Variants in SEPTIN9 observed in about 807,000 individuals in gnomAD.
The protein encoded by SEPTIN9 is septin-9.
SEPTIN9 carries 13 observed loss-of-function variants against 56.6 expected under a neutral mutation model. That is an observed-to-expected ratio of 0.23 (90% confidence interval 0.15 to 0.37). SEPTIN9 has a LOEUF of 0.37. Ranked by LOEUF, SEPTIN9 falls within the 10% of genes least tolerant of loss-of-function variation. The pLI, the probability that SEPTIN9 is intolerant of heterozygous loss-of-function variation, is 1.00. For missense variants in SEPTIN9, 650 were observed against 823.1 expected (o/e 0.79, Z 2.57); for synonymous variants, 332 against 334.1 (o/e 0.99, Z 0.07).
At chr17:77,354,328 G>A (rs567226315) in intron 2 of SEPTIN9, among the ~76,000 whole-genome samples, 99 of 152,298 alleles carry the variant, frequency 6.5e-4, no homozygotes, top group African/African-American at 2.3e-3. Context: ...GCACATGAAC[G>A]CTCACTCATG....
rs374945609 is a variant in SEPTIN9 at position 77,451,571 on chromosome 17, C to A, written c.722-30573C>A. The A allele has an allele frequency of 6.1e-6, 6 of 984,274 alleles. No individual in the cohort carries two copies. Among genetic ancestry groups the A allele is most frequent in the East Asian group, 1.1e-4 (1 of 8,786 alleles). 61.0% of individuals were successfully genotyped at this position (984,274 alleles called of 1,614,324 possible). A position where few individuals can be genotyped will look rare whatever the true frequency, so the allele number is the denominator to read the frequency against. On this transcript the variant is annotated intron_variant, in intron 3 of 11. Transcript: ENST00000427177. This position sits in a 1 kb window ranked among gnomAD's most constrained non-coding sequence, Gnocchi z 4.2. ...GTTCTTCCCAGCCTTGCACCACTGG[C>A]TCGGGGGCTCTCAGGTGGCGCGGCC...
intron 1 of SEPTIN9, 93 bp downstream of exon 1, chr17:77,281,647 C>T: frequency 8.0e-7 from 1 of 1,250,772 alleles, no homozygotes; most frequent in Non-Finnish European, 1.1e-6. Context: ...GAGGCGCCCC[C>T]GGAGCTGAGC....
At chr17:77,372,910 G>A (rs1207950871) in intron 2 of SEPTIN9, among the ~76,000 whole-genome samples, 2 of 152,246 alleles carry the variant, frequency 1.3e-5, no homozygotes, top group African/African-American at 4.8e-5. Flanking sequence ...AGCGCGCGGC[G>A]GCGGTGACAG....
In SEPTIN9 at chr17:77,498,503, C is replaced by T; in HGVS notation, c.1626-20C>T. ...CCGCTGCGCCCACCTCACTGACCCG[C>T]CCGCCCCCCACCCCCACAGGACGCA... On this transcript the variant is annotated intron_variant, in intron 11 of 11. Transcript: ENST00000427177. The T allele has an allele frequency of 2.2e-6, 1 of 462,640 alleles. No homozygotes were observed. The highest frequency in any genetic ancestry group is 2.2e-5 in the African/African-American group (1 of 46,314). 28.7% of individuals were successfully genotyped at this position (462,640 alleles called of 1,614,324 possible).
chr17:77,487,277 G>T lies in SEPTIN9; in HGVS notation c.914-147G>T. 1.2e-6 allele frequency: 1 copy of T among 864,186 alleles called. No homozygotes were observed. Among genetic ancestry groups the T allele is most frequent in the East Asian group, 2.7e-5 (1 of 37,482 alleles). The allele number at this position is 864,186 out of a possible 1,614,324, so 53.5% of individuals were successfully genotyped here. ...CTCGAGGGTGAAGTCCTCGGGGGCT[G>T]CTTGGCAGGGATATTGCCGGGAGGT... On this transcript the variant is annotated intron_variant, in intron 4 of 11. Coordinates refer to ENST00000427177, the MANE Select transcript of SEPTIN9 (RefSeq NM_001113491.2). The surrounding 1 kb of genome is among the most constrained non-coding windows in gnomAD (Gnocchi z 4.3).
chr17:77,339,482 G>C (rs1461670601), intron 2 of SEPTIN9, among the ~76,000 whole-genome samples: 1 of 151,412 alleles, frequency 6.6e-6, no homozygotes, highest in Non-Finnish European at 1.5e-5. Flanking sequence ...ATTTTGAAAG[G>C]ATTCTTTTTT....
At chr17:77,497,480 C>A in intron 11 of SEPTIN9, 114 bp downstream of exon 11, 1 of 920,726 alleles carries the variant, frequency 1.1e-6, no homozygotes, top group Non-Finnish European at 1.7e-6. Flanking sequence ...GTGCCCCCTG[C>A]CACCTGCCTG....
intron 3 of SEPTIN9, among the ~76,000 whole-genome samples, chr17:77,415,651 A>G (rs2036478742): frequency 6.6e-6 from 1 of 150,526 alleles, no homozygotes; most frequent in South Asian, 2.1e-4. Flanking sequence ...AAAAGAAAAA[A>G]AAAGAAATCT....
intron 3 of SEPTIN9, among the ~76,000 whole-genome samples, chr17:77,462,645 A>G (rs1173575643): frequency 1.3e-5 from 2 of 149,996 alleles, no homozygotes; most frequent in Non-Finnish European, 3.0e-5. Context: ...GCTTGTTTTG[A>G]GCAGTTTTTT....
intron 6 of SEPTIN9, 59 bp downstream of exon 6, chr17:77,488,380 C>CGCTAGTG: frequency 1.4e-6 from 2 of 1,476,286 alleles, no homozygotes; most frequent in Non-Finnish European, 9.5e-7. Context: ...CTGGACCCCA[C>CGCTAGTG]CCAGAGTCAG....
chr17:77,498,410 G>A (rs974979090), intron 11 of SEPTIN9, 113 bp from the exon 12 acceptor site: 2 of 695,690 alleles, frequency 2.9e-6, no homozygotes, highest in Admixed American at 2.4e-5. Context: ...GATGGGGAGT[G>A]GGGGTGGGGG....
intron 3 of SEPTIN9, among the ~76,000 whole-genome samples, chr17:77,463,799 C>T (rs1045506208): frequency 6.6e-6 from 1 of 151,870 alleles, no homozygotes; most frequent in Admixed American, 6.6e-5. Flanking sequence ...GCCGAGATCG[C>T]GCCATTGCAT....
At chr17:77,363,378 T>C (rs1462922967) in intron 2 of SEPTIN9, among the ~76,000 whole-genome samples, 1 of 116,142 alleles carries the variant, frequency 8.6e-6, no homozygotes, top group Admixed American at 9.4e-5. Context: ...CTTGGGCCTG[T>C]CTTTTTTTTT....
chr17:77,371,361 G>A lies in SEPTIN9; in HGVS notation c.77-30698G>A, dbSNP rs917320747. On this transcript the variant is annotated intron_variant, in intron 2 of 11. Transcript: ENST00000427177. The surrounding 1 kb of genome is among the most constrained non-coding windows in gnomAD (Gnocchi z 4.1). ...ACTAAATATGTTTGCTGCACTGTGC[G>A]TGGAGATGGAGAATGTACAATTGGC... Among the ~76,000 whole-genome samples the A allele has an allele frequency of 3.0e-4, 46 of 152,362 alleles. No homozygotes were observed. The highest frequency in any genetic ancestry group is 4.6e-4 in the Non-Finnish European group (31 of 68,036).
intron 1 of SEPTIN9, among the ~76,000 whole-genome samples, chr17:77,306,729 G>T (rs2032280847): frequency 6.6e-6 from 1 of 152,184 alleles, no homozygotes; most frequent in Admixed American, 6.5e-5. Context: ...GGACATGGAG[G>T]AAGGAGGAGA....
At chr17:77,358,724 C>G (rs954493736) in intron 2 of SEPTIN9, among the ~76,000 whole-genome samples, 8 of 152,136 alleles carry the variant, frequency 5.3e-5, no homozygotes, top group Non-Finnish European at 1.2e-4. Flanking sequence ...TTAAAGTAGC[C>G]TGTTCATTTT....
intron 2 of SEPTIN9, among the ~76,000 whole-genome samples, chr17:77,394,932 C>T (rs559106732): frequency 2.1e-4 from 32 of 152,268 alleles, no homozygotes; most frequent in African/African-American, 6.7e-4. Context: ...CAGCTGAGAC[C>T]GTAGGTGCTT....
In SEPTIN9 at chr17:77,431,831, A is replaced by C. The variant is rs1014285083; in HGVS notation, c.721+29128A>C. Among the ~76,000 whole-genome samples the C allele has an allele frequency of 1.2e-4, 14 of 118,888 alleles. No homozygotes were observed. In the East Asian group the frequency reaches 2.1e-3, roughly 18 times the overall value. 78.0% of individuals were successfully genotyped at this position (118,888 alleles called of 152,430 possible). On this transcript the variant is annotated intron_variant, in intron 3 of 11. Transcript: ENST00000427177. Reference sequence around the variant, plus strand: ...GGCAACGGGAGTGAAATGCTGTCTCAAAAAAAAAAAAAAAAAAAAAAAAGT... The same window carrying C: ...GGCAACGGGAGTGAAATGCTGTCTCCAAAAAAAAAAAAAAAAAAAAAAAGT...
At chr17:77,473,262 C>A (rs937780575) in intron 3 of SEPTIN9, among the ~76,000 whole-genome samples, 1 of 152,258 alleles carries the variant, frequency 6.6e-6, no homozygotes, top group Admixed American at 6.5e-5. Context: ...TCTCCCTCTT[C>A]TCTAGCTGTA....
Sources: allele counts gnomAD v4.1 joint callset (sites outside exome capture counted in the v4.1 genomes callset), GRCh38; gene constraint gnomAD v4.1.1; non-coding constraint Gnocchi (gnomAD v3.1); transcripts MANE v1.5; gene names NCBI Gene and HGNC (gene_info 2026-07-23, HGNC 2026-07-21).